The following ARL5C variants were observed in gnomAD, a reference collection of about 807,000 sequenced individuals.
The protein encoded by ARL5C is ARF like GTPase 5C, also known as putative ADP-ribosylation factor-like protein 5C.
Under a neutral mutation model 20.8 loss-of-function variants are expected in ARL5C, and 21 were observed. That is an observed-to-expected ratio of 1.01 (90% CI 0.72 to 1.46). The LOEUF (loss-of-function observed/expected upper bound fraction) is 1.46. ARL5C is among the 40% of genes most tolerant of loss of function. ARL5C has a pLI of 0.00. For synonymous variants in ARL5C, 71 were observed against 81.6 expected (o/e 0.87, Z 0.70); for missense variants, 199 against 225.1 (o/e 0.88, Z 0.74).
At chr17:39,158,746 G>T (rs559480879) in intron 5 of ARL5C, among the ~76,000 whole-genome samples, 1 of 152,154 alleles carries the variant, frequency 6.6e-6, no homozygotes, top group African/African-American at 2.4e-5. Flanking sequence ...AATCCTCCAG[G>T]TGATTACTCA....
chr17:39,164,983 CG>C, intron 2 of ARL5C, 95 bp downstream of exon 2: 1 of 1,331,950 alleles, frequency 7.5e-7, no homozygotes, highest in South Asian at 1.3e-5. Context: ...CAGAGGAGCC[CG>C]GGAACCCAGG....
At chr17:39,162,903 C>T in intron 2 of ARL5C, 45 bp from the exon 3 acceptor site, 1 of 1,538,640 alleles carries the variant, frequency 6.5e-7, no homozygotes, top group Non-Finnish European at 8.8e-7. Flanking sequence ...CCAGCCTACT[C>T]CCAACTCTGG....
rs758292043 is a variant in ARL5C, at chr17:39,165,924, C to T, written c.-164G>A. 1.0e-5 allele frequency: 8 copies of T among 765,498 alleles called. No individual in the cohort carries two copies. Among genetic ancestry groups the T allele is most frequent in the Non-Finnish European group, 1.7e-5 (8 of 472,914 alleles). 47.4% of individuals were successfully genotyped at this position (765,498 alleles called of 1,614,324 possible). The stretch of plus-strand genomic sequence containing the variant: ...AACCTGACCTGGGAACCCTCTGGGA[C>T]GCTGGCCCTTCGTGGGCACTATGGA... On this transcript the variant is annotated 5_prime_UTR_variant, in exon 1 of 6. Coordinates refer to ENST00000269586, the MANE Select transcript of ARL5C (RefSeq NM_001143968.1).
At chr17:39,162,566 G>T in intron 3 of ARL5C, 145 bp downstream of exon 3, 1 of 1,050,500 alleles carries the variant, frequency 9.5e-7, no homozygotes, top group African/African-American at 1.6e-5. Flanking sequence ...CTCCCAAAGT[G>T]CTGGGATTAC....
chr17:39,165,565 G>T (rs930127600), intron 1 of ARL5C, 150 bp downstream of exon 1: 20 of 913,272 alleles, frequency 2.2e-5, no homozygotes, highest in Admixed American at 7.4e-5. Flanking sequence ...AGGCAGGGAC[G>T]GGGGCAGGGG....
chr17:39,158,927 C>T (rs1031943563), intron 5 of ARL5C, among the ~76,000 whole-genome samples: 13 of 151,344 alleles, frequency 8.6e-5, no homozygotes, highest in African/African-American at 3.2e-4. Context: ...ATCCTCCTGC[C>T]TCAGACTCTC....
Position 39,161,293 on chromosome 17 carries a change from TC to T in ARL5C, c.313del (p.Glu105SerfsTer17), listed in dbSNP as rs766649538. 38 of 1,551,526 alleles carry T rather than the reference TC, an allele frequency of 2.4e-5. No individual in the cohort carries two copies. Among genetic ancestry groups the T allele is most frequent in the South Asian group, 2.0e-4 (17 of 84,058 alleles). On this transcript the variant is annotated frameshift_variant, in exon 4 of 6. Coordinates refer to ENST00000269586, the MANE Select transcript of ARL5C (RefSeq NM_001143968.1). LOFTEE classifies it high-confidence loss of function. ...DRDRLLTTREELYKMLAHEAL... is the reference protein window; with the variant it reads ...DRDRLLTTREXLYKMLAHEAL... ...CTCATGGGCCAGCATTTTATATAGC[TC>T]CTCCCGAGTGGTCAGCAGCCGATCC... is the stretch of plus-strand genomic sequence containing the variant.
chr17:39,160,648 CTGAGAGTAAGGA>C lies in ARL5C; in HGVS notation c.422_433del (p.Phe141_Ser145delinsCys). Reference sequence around the variant, plus strand: ...ATGCCACGAGTGGTCTTTGATGGTGCTGAGAGTAAGGAAATGGGAGATCTCCACCATCCTCAT... The same window carrying C: ...ATGCCACGAGTGGTCTTTGATGGTGCAATGGGAGATCTCCACCATCCTCAT... On this transcript the variant is annotated inframe_deletion, in exon 5 of 6. Coordinates refer to ENST00000269586, the MANE Select transcript of ARL5C (RefSeq NM_001143968.1). 6.5e-7 allele frequency: 1 copy of C among 1,549,902 alleles called. No individual in the cohort carries two copies. Among genetic ancestry groups the C allele is most frequent in the Non-Finnish European group, 8.7e-7 (1 of 1,146,310 alleles).
chr17:39,162,521 G>A (rs1385340759), intron 3 of ARL5C, among the ~76,000 whole-genome samples, 190 bp downstream of exon 3: 3 of 152,060 alleles, frequency 2.0e-5, no homozygotes, highest in Non-Finnish European at 4.4e-5. Flanking sequence ...GGCTGGTTTC[G>A]AACTCTTGAC....
intron 5 of ARL5C, chr17:39,160,339 A>AC: frequency 2.6e-6 from 1 of 386,862 alleles, no homozygotes; most frequent in Non-Finnish European, 4.6e-6. Context: ...AAAAAAAAAA[A>AC]GAGAGAGAGA....
chr17:39,159,197 GTTTTTTT>G (rs35119781), intron 5 of ARL5C, among the ~76,000 whole-genome samples: 25 of 97,312 alleles, frequency 2.6e-4, no homozygotes, highest in Non-Finnish European at 3.6e-4. Context: ...ACATCCAGCG[GTTTTTTT>G]TTTTTTTTTT....
chr17:39,157,693 G>C (rs747520716), intron 5 of ARL5C, among the ~76,000 whole-genome samples: 1 of 152,120 alleles, frequency 6.6e-6, no homozygotes, highest in Non-Finnish European at 1.5e-5. Context: ...GGGAGGCTGA[G>C]GCAGGAGAAT....
intron 5 of ARL5C, among the ~76,000 whole-genome samples, chr17:39,158,427 A>T (rs1648150709): frequency 6.6e-6 from 1 of 152,138 alleles, no homozygotes; most frequent in Admixed American, 6.5e-5. Flanking sequence ...AGCCATGGGC[A>T]ACGTGGCAAA....
At position 39,161,165 on chromosome 17, in the gene ARL5C, C is replaced by G. The variant is rs536668985; in HGVS notation, c.339+103G>C. ...CTCATGCTGCTGGTATAGAGGCTCTCAGAAACTGGGACAGCAGGAACGAAT... is the reference window on the plus strand; with the variant it reads ...CTCATGCTGCTGGTATAGAGGCTCTGAGAAACTGGGACAGCAGGAACGAAT... On this transcript the variant is annotated intron_variant, in intron 4 of 5. Transcript: ENST00000269586. 4,987 of 1,149,156 alleles carry G rather than the reference C, an allele frequency of 4.3e-3. 19 individuals carry two copies. The highest frequency in any genetic ancestry group is 5.8e-3 in the Non-Finnish European group (4,580 of 785,540). 71.2% of individuals were successfully genotyped at this position (1,149,156 alleles called of 1,614,324 possible). A position where few individuals can be genotyped will look rare whatever the true frequency, so the allele number is the denominator to read the frequency against.
intron 5 of ARL5C, among the ~76,000 whole-genome samples, chr17:39,159,699 G>A (rs1184951795): frequency 6.6e-6 from 1 of 152,202 alleles, no homozygotes; most frequent in Non-Finnish European, 1.5e-5. Flanking sequence ...TTTGCTCGCT[G>A]CTGTTTCTCC....
intron 5 of ARL5C, among the ~76,000 whole-genome samples, chr17:39,158,047 G>A (rs184659594): frequency 1.4e-4 from 21 of 146,996 alleles, no homozygotes; most frequent in Admixed American, 3.4e-4. Context: ...GCAGTGAGCC[G>A]AGATCGCGCC....
chr17:39,160,770 C>T (rs776960578), intron 4 of ARL5C, 28 bp from the exon 5 acceptor site: 1 of 1,548,562 alleles, frequency 6.5e-7, no homozygotes, highest in African/African-American at 1.4e-5. Context: ...CAGCCCCAGT[C>T]AGCCTGCTAG....
In ARL5C at chr17:39,161,300, G is replaced by C; in HGVS notation, c.307C>G (p.Arg103Gly). Residue 103 changes from arginine to glycine, a missense_variant, in exon 4 of 6, where the codon CGG (arginine) becomes GGG (glycine). Transcript: ENST00000269586. ...GCCAGCATTTTATATAGCTCCTCCC[G>C]AGTGGTCAGCAGCCGATCCCGGTCC... ...STDRDRLLTTREELYKMLAHE... is the reference protein window; with the variant it reads ...STDRDRLLTTGEELYKMLAHE... 6.4e-7 allele frequency: 1 copy of C among 1,551,838 alleles called. No homozygotes were observed.
chr17:39,163,392 T>TTCTC (rs1293820729), intron 2 of ARL5C, among the ~76,000 whole-genome samples: 2 of 139,904 alleles, frequency 1.4e-5, no homozygotes, highest in Non-Finnish European at 3.0e-5. Flanking sequence ...CTTTCTTTCT[T>TTCTC]TCTCTCTTTC....
Sources: gnomAD v4.1 joint callset for allele counts (sites outside exome capture counted in the v4.1 genomes callset) on GRCh38, gnomAD v4.1.1 for gene constraint, MANE v1.5 for transcripts, NCBI Gene and HGNC (gene_info 2026-07-23, HGNC 2026-07-21) for gene names.